Variants in CAMK2A observed in about 807,000 individuals in gnomAD.
CAMK2A encodes the protein calcium/calmodulin-dependent protein kinase type II subunit alpha.
Under a neutral mutation model 79.2 loss-of-function variants are expected in CAMK2A, and 7 were observed. The ratio of observed to expected loss-of-function variants is 0.09; its 90% CI spans 0.05 to 0.17. CAMK2A has a LOEUF of 0.17. Among genes scored for constraint, CAMK2A ranks in the 10% least tolerant of loss-of-function variants. The probability of loss-of-function intolerance (pLI) is 1.00; values close to 1 mark genes in which losing one functional copy is unlikely to be tolerated. For synonymous variants in CAMK2A, 242 were observed against 251.7 expected, an observed-to-expected ratio of 0.96 and a Z score of 0.36; for missense variants, 214 against 646.4, an observed-to-expected ratio of 0.33 and a Z score of 7.25.
intron 2 of CAMK2A, among the ~76,000 whole-genome samples, 189 bp downstream of exon 2, chr5:150,272,876 C>T (rs1412296846): frequency 6.6e-6 from 1 of 151,736 alleles, no homozygotes; most frequent in African/African-American, 2.4e-5. Flanking sequence ...GCTCTCCAGC[C>T]TTGAAAAAAA....
intron 15 of CAMK2A, chr5:150,238,321 A>G (rs1190166526): frequency 5.2e-6 from 1 of 193,574 alleles, no homozygotes; most frequent in African/African-American, 2.4e-5. Context: ...GTGTGGTGGC[A>G]GGCATCTGTC....
In CAMK2A at chr5:150,221,121, AT is replaced by A. The variant is rs879574605; in HGVS notation, c.*1588del. 6,558 of 205,118 alleles carry A rather than the reference AT, an allele frequency of 0.032. 1 individual carries two copies. Among genetic ancestry groups the A allele is most frequent in the Middle Eastern group, 0.055 (36 of 652 alleles). 12.7% of individuals were successfully genotyped at this position (205,118 alleles called of 1,614,324 possible). A position where few individuals can be genotyped will look rare whatever the true frequency, so the allele number is the denominator to read the frequency against. On this transcript the variant is annotated 3_prime_UTR_variant, in exon 19 of 19. Coordinates refer to ENST00000671881, the MANE Select transcript of CAMK2A (RefSeq NM_015981.4). ...GTCGGACACTGAGAATACAACCTCT[AT>A]TTTTTTTTTTAGTCCAAAACATGTA...
intron 1 of CAMK2A, among the ~76,000 whole-genome samples, chr5:150,279,290 G>GAGCGCGGTTCAAC (rs1471577498): frequency 4.6e-5 from 7 of 152,154 alleles, no homozygotes; most frequent in Non-Finnish European, 8.8e-5. Flanking sequence ...CCACATTGGA[G>GAGCGCGGTTCAAC]AGCGCGGTTC....
intron 6 of CAMK2A, among the ~76,000 whole-genome samples, chr5:150,254,819 T>A (rs1422948610): frequency 1.3e-5 from 2 of 152,204 alleles, no homozygotes; most frequent in Non-Finnish European, 2.9e-5. Flanking sequence ...TTAACTGAGA[T>A]AATCTGTGTA....
intron 2 of CAMK2A, among the ~76,000 whole-genome samples, chr5:150,265,734 G>A (rs1184840899): frequency 2.0e-5 from 3 of 152,068 alleles, no homozygotes; most frequent in African/African-American, 7.2e-5. Context: ...TTGAGCTCAG[G>A]AGTTCGAGAC....
chr5:150,251,895 G>T lies in CAMK2A; in HGVS notation c.599-51C>A, dbSNP rs59160997. On this transcript the variant is annotated intron_variant, in intron 8 of 18. Coordinates refer to ENST00000671881, the MANE Select transcript of CAMK2A (RefSeq NM_015981.4). ...AACCCCCTGTGGGGAGGAGACATGG[G>T]GGGAGGGGAGTGATGGGAAAGGAGA... 5 of 1,548,862 alleles carry T rather than the reference G, an allele frequency of 3.2e-6. No individual in the cohort carries two copies. The East Asian group carries it at 6.7e-5, about 21-fold the overall frequency.
At chr5:150,231,410 TAATAATAATA>T (rs746392244) in intron 15 of CAMK2A, 30 bp from the exon 16 acceptor site, 1 of 236,338 alleles carries the variant, frequency 4.2e-6, no homozygotes, top group African/African-American at 6.0e-5. Flanking sequence ...ACAGAAATAA[TAATAATAATA>T]ATAATAATAA....
intron 1 of CAMK2A, among the ~76,000 whole-genome samples, chr5:150,287,897 A>T (rs183673076): frequency 5.9e-5 from 9 of 151,308 alleles, no homozygotes; most frequent in Non-Finnish European, 1.3e-4. Context: ...ATGGGGGTAT[A>T]TGTGCTCAAG....
chr5:150,222,534 G>T lies in CAMK2A; in HGVS notation c.*176C>A. On this transcript the variant is annotated 3_prime_UTR_variant, in exon 19 of 19. Coordinates refer to ENST00000671881, the MANE Select transcript of CAMK2A (RefSeq NM_015981.4). ...GGGAGATGTGGCCGTTCGCTCTGAAGTTGCGATGACTTTTGTGAACAAGCA... is the reference window on the plus strand; with the variant it reads ...GGGAGATGTGGCCGTTCGCTCTGAATTTGCGATGACTTTTGTGAACAAGCA... 1.7e-5 allele frequency: 13 copies of T among 746,532 alleles called. No individual in the cohort carries two copies. The South Asian group carries it at 1.9e-4, about 11-fold the overall frequency. The allele number at this position is 746,532 out of a possible 1,614,324, so 46.2% of individuals were successfully genotyped here.
intron 15 of CAMK2A, among the ~76,000 whole-genome samples, chr5:150,234,846 G>C (rs934840092): frequency 2.6e-5 from 4 of 152,180 alleles, no homozygotes; most frequent in African/African-American, 9.7e-5. Flanking sequence ...CTCCTTTCAA[G>C]TTGAAATCTG....
At chr5:150,289,820 A>C, upstream of CAMK2A, 1 of 547,076 alleles carries the variant, frequency 1.8e-6, no homozygotes, top group Non-Finnish European at 3.3e-6. Flanking sequence ...CTTCGTCAGC[A>C]TCCAGGTCCC....
rs569025883 is a variant in CAMK2A at position 150,239,022 on chromosome 5, C to T, written c.1018-274G>A. On this transcript the variant is annotated intron_variant, in intron 14 of 18. Coordinates refer to ENST00000671881, the MANE Select transcript of CAMK2A (RefSeq NM_015981.4). ...TGAGGGGCGTCCTGGGTCCTTTCTGCTCGAGGGGGTGAAGAAGGGGTGTGG... is the reference window on the plus strand; with the variant it reads ...TGAGGGGCGTCCTGGGTCCTTTCTGTTCGAGGGGGTGAAGAAGGGGTGTGG... Among the ~76,000 whole-genome samples, 11 of 152,248 alleles carry T rather than the reference C, an allele frequency of 7.2e-5. No homozygotes were observed. In the South Asian group the frequency reaches 2.3e-3, roughly 32 times the overall value.
intron 1 of CAMK2A, among the ~76,000 whole-genome samples, chr5:150,281,743 C>A (rs1379529201): frequency 6.6e-6 from 1 of 152,168 alleles, no homozygotes; most frequent in Non-Finnish European, 1.5e-5. Flanking sequence ...GTACCCACAG[C>A]TTACTTGAGA....
chr5:150,231,865 A>G (rs1221260093), intron 15 of CAMK2A, among the ~76,000 whole-genome samples: 1 of 152,214 alleles, frequency 6.6e-6, no homozygotes, highest in Non-Finnish European at 1.5e-5. Flanking sequence ...CAGCACCACT[A>G]AGAAAAATCT....
intron 1 of CAMK2A, among the ~76,000 whole-genome samples, chr5:150,280,328 T>C (rs1368187347): frequency 6.6e-6 from 1 of 152,166 alleles, no homozygotes; most frequent in African/African-American, 2.4e-5. Flanking sequence ...CTGGGCCCCT[T>C]ACGGTAGTCT....
chr5:150,253,586 C>G (rs564603477), intron 6 of CAMK2A, 40 bp from the exon 7 acceptor site: 21 of 1,517,104 alleles, frequency 1.4e-5, no homozygotes, highest in African/African-American at 2.7e-5. Flanking sequence ...GGGAGGAAAG[C>G]GCCAAGAGAC....
At chr5:150,275,971 G>A (rs113365264) in intron 1 of CAMK2A, among the ~76,000 whole-genome samples, 108 of 152,244 alleles carry the variant, frequency 7.1e-4, no homozygotes, top group Non-Finnish European at 1.1e-3. Flanking sequence ...TTCTGGCCAC[G>A]GTTTGGTCTT....
Position 150,223,758 on chromosome 5 carries a change from T to A in CAMK2A, c.1238-541A>T, listed in dbSNP as rs1754465485. 6.6e-6 allele frequency among the ~76,000 whole-genome samples: 1 copy of A among 152,192 alleles called. No individual in the cohort carries two copies. On this transcript the variant is annotated intron_variant, in intron 17 of 18. Coordinates refer to ENST00000671881, the MANE Select transcript of CAMK2A (RefSeq NM_015981.4). The surrounding 1 kb of genome is among the most constrained non-coding windows in gnomAD (Gnocchi z 4.1). ...GTGGTTGCCATGTGAGTGAGACCAGTGTTGACGTGCCTCGTTTTTCAAGAG... is the reference window on the plus strand; with the variant it reads ...GTGGTTGCCATGTGAGTGAGACCAGAGTTGACGTGCCTCGTTTTTCAAGAG...
At chr5:150,269,768 C>T (rs1270827367) in intron 2 of CAMK2A, among the ~76,000 whole-genome samples, 4 of 152,206 alleles carry the variant, frequency 2.6e-5, no homozygotes, top group African/African-American at 9.7e-5. Context: ...TACCTGCTCC[C>T]TGCATAGGAC....
Sources: allele counts gnomAD v4.1 joint callset (sites outside exome capture counted in the v4.1 genomes callset), GRCh38; gene constraint gnomAD v4.1.1; non-coding constraint Gnocchi (gnomAD v3.1); transcripts MANE v1.5; gene names NCBI Gene and HGNC (gene_info 2026-07-23, HGNC 2026-07-21).